The following FNIP1 variants were observed in gnomAD, a reference collection of about 807,000 sequenced individuals.
FNIP1 encodes folliculin-interacting protein 1.
Under a neutral mutation model 124.5 loss-of-function variants are expected in FNIP1, and 40 were observed. The observed-to-expected ratio is 0.32, with a 90% CI of 0.25 to 0.42. The LOEUF is 0.42. Among genes scored for constraint, FNIP1 ranks in the 10% least tolerant of loss-of-function variants. The pLI is 1.00. For synonymous variants in FNIP1, 472 were observed against 470.6 expected (o/e 1.00, Z -0.04); for missense variants, 1,176 against 1,403.7 (o/e 0.84, Z 2.59).
rs201228133 is a variant in FNIP1 at position 131,679,117 on chromosome 5, T to C, written c.1261A>G (p.Met421Val). 348 of 1,606,688 alleles carry C rather than the reference T, an allele frequency of 2.2e-4. No individual in the cohort carries two copies. Among genetic ancestry groups the C allele is most frequent in the Non-Finnish European group, 1.6e-4 (188 of 1,173,704 alleles). ...PRIGEPVWLT[M>V]MSGTPEKNHL... ...TTCTTTTCTGGAGTCCCCGACATCA[T>C]TGTAAGCCAGACAGGTTCTCCAATT... The change falls in exon 12 of 18, where the codon ATG becomes GTG. Residue 421 changes from methionine (M) to valine (V), a missense_variant. By Grantham distance (21) the Met-to-Val change is conservative. Coordinates refer to ENST00000510461, the MANE Select transcript of FNIP1 (RefSeq NM_133372.3).
chr5:131,728,846 G>C (rs1363793591), intron 3 of FNIP1, among the ~76,000 whole-genome samples: 1 of 152,116 alleles, frequency 6.6e-6, no homozygotes, highest in Admixed American at 6.5e-5. Context: ...TGATGCTGGT[G>C]ACCTTTGGAT....
At chr5:131,712,231 C>T (rs1225381956) in intron 6 of FNIP1, among the ~76,000 whole-genome samples, 2 of 151,626 alleles carry the variant, frequency 1.3e-5, no homozygotes, top group African/African-American at 4.8e-5. Context: ...GACCCCAATC[C>T]CCCATTCTTC....
Position 131,744,648 on chromosome 5 carries a change from A to C in FNIP1, c.135T>G (p.Ile45Met), listed in dbSNP as rs773605074. Residue 45 changes from isoleucine to methionine, a missense_variant, in exon 2 of 18, where the codon ATT becomes ATG. This residue lies in a region of FNIP1 where 1,109 missense variants were observed against 1,288.5 expected (regional missense o/e 0.86). Transcript: ENST00000510461. ...PEFDPSQIRL[I>M]VYQDCERRGR... is the part of the protein sequence containing the mutation. ...CTCGTCTTTCACAGTCTTGATATAC[A>C]ATCAGTCGAATCTGGCTTGGATCAA... 1.2e-6 allele frequency: 2 copies of C among 1,611,554 alleles called. No individual in the cohort carries two copies. The highest frequency in any genetic ancestry group is 1.1e-5 in the South Asian group (1 of 90,596).
At chr5:131,737,846 A>C (rs1049994519) in intron 2 of FNIP1, among the ~76,000 whole-genome samples, 10 of 152,168 alleles carry the variant, frequency 6.6e-5, no homozygotes, top group African/African-American at 2.4e-4. Flanking sequence ...GAGGAAAAGG[A>C]CTATGTCTTC....
At chr5:131,735,923 C>T (rs1008544112) in intron 2 of FNIP1, among the ~76,000 whole-genome samples, 2 of 151,934 alleles carry the variant, frequency 1.3e-5, no homozygotes, top group Non-Finnish European at 2.9e-5. Context: ...GCGTATGCCA[C>T]CACATCCAGC....
At chr5:131,750,431 A>G (rs1770832622) in intron 1 of FNIP1, among the ~76,000 whole-genome samples, 1 of 152,140 alleles carries the variant, frequency 6.6e-6, no homozygotes, top group Non-Finnish European at 1.5e-5. Flanking sequence ...ACAGATATGT[A>G]CCTACTATGT....
chr5:131,644,458 T>C lies in FNIP1; in HGVS notation c.*227A>G. 2.7e-6 allele frequency: 1 copy of C among 364,248 alleles called. No individual in the cohort carries two copies. The highest frequency in any genetic ancestry group is 5.0e-6 in the Non-Finnish European group (1 of 200,236). 22.6% of individuals were successfully genotyped at this position (364,248 alleles called of 1,614,324 possible). Reference sequence around the variant, plus strand: ...TTTTCAAATGCTTCAAAATTATTGTTGCTTTAATTTCATTTGTTTAAAAAT... The same window carrying C: ...TTTTCAAATGCTTCAAAATTATTGTCGCTTTAATTTCATTTGTTTAAAAAT... On this transcript the variant is annotated 3_prime_UTR_variant, in exon 18 of 18. Transcript: ENST00000510461.
chr5:131,732,403 C>T (rs1365302930), intron 2 of FNIP1, among the ~76,000 whole-genome samples: 1 of 152,148 alleles, frequency 6.6e-6, no homozygotes, highest in Non-Finnish European at 1.5e-5. Flanking sequence ...AGGTCCTTGC[C>T]CATGCCTATG....
intron 16 of FNIP1, among the ~76,000 whole-genome samples, chr5:131,648,213 G>A (rs1417961723): frequency 6.7e-6 from 1 of 148,874 alleles, no homozygotes; most frequent in African/African-American, 2.5e-5. Context: ...CGAGCATGGT[G>A]GCACGTGCCT....
At chr5:131,707,944 T>C (rs1292765879) in intron 8 of FNIP1, among the ~76,000 whole-genome samples, 1 of 152,050 alleles carries the variant, frequency 6.6e-6, no homozygotes, top group African/African-American at 2.4e-5. Context: ...AGACTAAATA[T>C]CTAGATTACA....
intron 9 of FNIP1, 42 bp from the exon 10 acceptor site, chr5:131,704,308 A>G (rs1166715749): frequency 1.4e-6 from 2 of 1,453,242 alleles, no homozygotes; most frequent in South Asian, 1.3e-5. Context: ...AAAAGTAAAA[A>G]TAAATTCACA....
Position 131,779,147 on chromosome 5 carries a change from T to TA in FNIP1, c.92+17682dup, listed in dbSNP as rs78900804. 9.0e-3 allele frequency among the ~76,000 whole-genome samples: 1,102 copies of TA among 122,786 alleles called. 8 individuals carry two copies. Among genetic ancestry groups the TA allele is most frequent in the African/African-American group, 0.022 (734 of 33,472 alleles). The allele number at this position is 122,786 out of a possible 152,430, so 80.6% of individuals were successfully genotyped here. A position where few individuals can be genotyped will look rare whatever the true frequency, so the allele number is the denominator to read the frequency against. ...TGTACCCTAAAACTTAAAGTATAAT[T>TA]AAAAAAAAAAAAAAAGAAAAAGAAA... On this transcript the variant is annotated intron_variant, in intron 1 of 17. Transcript: ENST00000510461.
intron 6 of FNIP1, among the ~76,000 whole-genome samples, chr5:131,712,754 T>G (rs1769338286): frequency 6.6e-6 from 1 of 152,202 alleles, no homozygotes; most frequent in East Asian, 1.9e-4. Context: ...AAAAGTTCTC[T>G]GCAGTCCTCA....
chr5:131,719,498 C>A (rs1391705697), intron 3 of FNIP1, 81 bp from the exon 4 acceptor site: 16 of 1,273,722 alleles, frequency 1.3e-5, no homozygotes, highest in South Asian at 9.5e-5. Flanking sequence ...ATTAAAAATT[C>A]TTGATATAGT....
At position 131,686,568 on chromosome 5, in the gene FNIP1, G is replaced by A. The variant is rs181348818; in HGVS notation, c.1203-7393C>T. Among the ~76,000 whole-genome samples, 16 of 152,078 alleles carry A rather than the reference G, an allele frequency of 1.1e-4. No homozygotes were observed. In the East Asian group the frequency reaches 2.7e-3, roughly 26 times the overall value. On this transcript the variant is annotated intron_variant, in intron 11 of 17. Transcript: ENST00000510461. The stretch of plus-strand genomic sequence containing the variant: ...TCTTTTATTGATTTTAAATTTTGTG[G>A]GTACACTGTAAGTGTAATATAAATT...
chr5:131,719,124 T>A (rs1452116095), intron 4 of FNIP1, 64 bp from the exon 5 acceptor site: 3 of 1,472,886 alleles, frequency 2.0e-6, no homozygotes, highest in East Asian at 2.3e-5. Context: ...GGATTTATTA[T>A]AAATAAAAAT....
chr5:131,739,721 G>A (rs967981586), intron 2 of FNIP1, among the ~76,000 whole-genome samples: 1 of 149,878 alleles, frequency 6.7e-6, no homozygotes, highest in South Asian at 2.1e-4. Flanking sequence ...GCTGAGGCAG[G>A]AGAATGGCGT....
At chr5:131,796,391 G>A (rs1346912002) in intron 1 of FNIP1, 1 of 179,942 alleles carries the variant, frequency 5.6e-6, no homozygotes, top group African/African-American at 2.4e-5. Flanking sequence ...AACGCCAACG[G>A]AGCTGGAACG....
At chr5:131,770,048 G>T (rs1176553234) in intron 1 of FNIP1, among the ~76,000 whole-genome samples, 4 of 152,134 alleles carry the variant, frequency 2.6e-5, no homozygotes, top group Non-Finnish European at 4.4e-5. Context: ...ACAAATTGAG[G>T]TTCATGCAGT....
Sources: allele counts gnomAD v4.1 joint callset (sites outside exome capture counted in the v4.1 genomes callset), GRCh38; gene constraint gnomAD v4.1.1; regional missense constraint gnomAD v4.1.1; transcripts MANE v1.5; gene names NCBI Gene and HGNC (gene_info 2026-07-23, HGNC 2026-07-21).